Variants in DENND2B observed in about 807,000 individuals in gnomAD.
DENND2B encodes the protein DENN domain containing 2B.
DENND2B carries 32 observed loss-of-function variants against 116.0 expected under a neutral mutation model. The observed-to-expected ratio is 0.28, with a 90% CI of 0.21 to 0.37. DENND2B has a LOEUF of 0.37. DENND2B is among the 10% of genes least tolerant of loss of function. DENND2B has a pLI of 1.00. For synonymous variants in DENND2B, 588 were observed against 583.9 expected, an observed-to-expected ratio of 1.01 and a Z score of -0.10; for missense variants, 1,276 against 1,477.7, an observed-to-expected ratio of 0.86 and a Z score of 2.24.
intron 1 of DENND2B, chr11:8,785,467 T>C (rs2058815777): frequency 6.6e-6 from 1 of 152,282 alleles, no homozygotes; most frequent in African/African-American, 2.4e-5. Context: ...ATGAAGGTAG[T>C]CGCCTCCCTG....
At chr11:8,797,165 T>C (rs966838873) in intron 1 of DENND2B, among the ~76,000 whole-genome samples, 9 of 152,220 alleles carry the variant, frequency 5.9e-5, no homozygotes, top group African/African-American at 2.2e-4. Flanking sequence ...TCCCTGCAGA[T>C]GTTACAACAT....
At chr11:8,776,570 T>A in intron 1 of DENND2B, 1 of 266,222 alleles carries the variant, frequency 3.8e-6, no homozygotes, top group Non-Finnish European at 7.4e-6. Flanking sequence ...GCTGTGCCAC[T>A]TGTAGGGGTA....
chr11:8,797,245 C>T (rs2059894457), intron 1 of DENND2B, among the ~76,000 whole-genome samples: 1 of 152,176 alleles, frequency 6.6e-6, no homozygotes, highest in African/African-American at 2.4e-5. Flanking sequence ...TAGTATAACA[C>T]AATGCTTAGA....
intron 3 of DENND2B, among the ~76,000 whole-genome samples, chr11:8,728,799 C>T (rs996704055): frequency 6.6e-6 from 1 of 152,224 alleles, no homozygotes; most frequent in African/African-American, 2.4e-5. Context: ...CCACGAAGTC[C>T]TTGAATGGAA....
At chr11:8,864,351 T>C (rs554690027) in intron 2 of DENND2B, among the ~76,000 whole-genome samples, 1 of 152,306 alleles carries the variant, frequency 6.6e-6, no homozygotes, top group East Asian at 1.9e-4. Context: ...CCCTACAGCC[T>C]TGACCTCCCA....
At chr11:8,828,070 CCCAAGG>C (rs2062046903) in intron 4 of DENND2B, among the ~76,000 whole-genome samples, 1 of 152,106 alleles carries the variant, frequency 6.6e-6, no homozygotes, top group Admixed American at 6.5e-5. Context: ...TGGGATGGAC[CCCAAGG>C]CCAAGGCCAT....
intron 2 of DENND2B, among the ~76,000 whole-genome samples, chr11:8,740,322 C>T (rs191903219): frequency 3.3e-4 from 51 of 152,332 alleles, no homozygotes; most frequent in African/African-American, 1.2e-3. Flanking sequence ...CACAGGAACA[C>T]GCCCCAATCC....
intron 13 of DENND2B, among the ~76,000 whole-genome samples, chr11:8,704,912 G>GGCCAT (rs1430576578): frequency 1.3e-5 from 2 of 151,748 alleles, no homozygotes; most frequent in Non-Finnish European, 2.9e-5. Flanking sequence ...ATGTTGGCCA[G>GGCCAT]GCTGGTCTCG....
chr11:8,813,857 C>T (rs1441486904), upstream of DENND2B, among the ~76,000 whole-genome samples: 1 of 152,122 alleles, frequency 6.6e-6, no homozygotes, highest in Non-Finnish European at 1.5e-5. Context: ...AACTGGAATC[C>T]CTGCTTGGGT....
intron 10 of DENND2B, 64 bp downstream of exon 10, chr11:8,711,058 T>G: frequency 6.4e-7 from 1 of 1,569,142 alleles, no homozygotes; most frequent in Non-Finnish European, 8.8e-7. Flanking sequence ...CCCACTCAGG[T>G]GCCCACGCTA....
At chr11:8,831,495 C>T (rs2062204559) in intron 4 of DENND2B, 1 of 152,390 alleles carries the variant, frequency 6.6e-6, no homozygotes, top group African/African-American at 2.4e-5. Context: ...GCATTCACTC[C>T]TAATCTCCAC....
At chr11:8,831,365 C>G (rs1323097267) in intron 4 of DENND2B, among the ~76,000 whole-genome samples, 1 of 152,198 alleles carries the variant, frequency 6.6e-6, no homozygotes, top group African/African-American at 2.4e-5. Context: ...CCACCTTCCC[C>G]ACTACTCCTG....
chr11:8,882,170 A>C (rs917821637), intron 1 of DENND2B, among the ~76,000 whole-genome samples: 1 of 152,192 alleles, frequency 6.6e-6, no homozygotes, highest in Non-Finnish European at 1.5e-5. Context: ...CTGCACCTAG[A>C]TGTTCCAGAC....
chr11:8,724,431 TAGAG>T (rs1289252021), intron 4 of DENND2B, among the ~76,000 whole-genome samples: 6 of 152,114 alleles, frequency 3.9e-5, no homozygotes, highest in African/African-American at 1.4e-4. Context: ...GACAGGGACA[TAGAG>T]AGGGAGCCAG....
intron 1 of DENND2B, among the ~76,000 whole-genome samples, chr11:8,779,673 C>T (rs967000261): frequency 1.3e-5 from 2 of 151,956 alleles, no homozygotes; most frequent in East Asian, 1.9e-4. Flanking sequence ...ACCACCACAC[C>T]GGCTAATATT....
At chr11:8,873,544 A>G (rs997871938), upstream of DENND2B, among the ~76,000 whole-genome samples, 3 of 152,248 alleles carry the variant, frequency 2.0e-5, no homozygotes, top group Admixed American at 6.5e-5. Flanking sequence ...AATATTTATT[A>G]GAGACACTGA....
At chr11:8,737,673 T>C (rs61875933) in intron 2 of DENND2B, among the ~76,000 whole-genome samples, 2 of 151,256 alleles carry the variant, frequency 1.3e-5, no homozygotes, top group South Asian at 2.1e-4. Context: ...TTTTCTTTCT[T>C]TCTCTTTCTC....
chr11:8,810,452 GA>G (rs1293393008), intron 1 of DENND2B, 64 bp downstream of exon 1: 3 of 152,274 alleles, frequency 2.0e-5, no homozygotes, highest in Non-Finnish European at 4.4e-5. Flanking sequence ...CTGACTCCCA[GA>G]AAACAGCCGG....
chr11:8,866,382 G>C (rs956364592), intron 2 of DENND2B, among the ~76,000 whole-genome samples: 2 of 152,172 alleles, frequency 1.3e-5, no homozygotes, highest in African/African-American at 2.4e-5. Context: ...CATCAAAAAT[G>C]CAACCAAACA....
Sources: allele counts gnomAD v4.1 joint callset (sites outside exome capture counted in the v4.1 genomes callset), GRCh38; gene constraint gnomAD v4.1.1; transcripts MANE v1.5; gene names NCBI Gene and HGNC (gene_info 2026-07-23, HGNC 2026-07-21).